CPNE4: variants seen among roughly 807,000 people sequenced by gnomAD.
CPNE4 encodes the protein copine-4.
A neutral mutation model predicts 67.9 loss-of-function variants in CPNE4; 25 were observed. The ratio of observed to expected loss-of-function variants is 0.37; its 90% CI spans 0.27 to 0.51. CPNE4 has a LOEUF of 0.51. Among genes scored for constraint, CPNE4 ranks in the 20% least tolerant of loss-of-function variants. The probability of loss-of-function intolerance (pLI) is 0.93; values close to 1 mark genes in which losing one functional copy is unlikely to be tolerated. For missense variants in CPNE4, 464 were observed against 690.8 expected (o/e 0.67, Z 3.68); for synonymous variants, 242 against 244.9 (o/e 0.99, Z 0.11).
intron 15 of CPNE4, among the ~76,000 whole-genome samples, chr3:131,540,567 C>T (rs978433699): frequency 1.3e-5 from 2 of 152,174 alleles, no homozygotes; most frequent in African/African-American, 4.8e-5. Context: ...TTTTGATGAT[C>T]CATTTAGCTT....
At chr3:131,596,903 TTC>T (rs1311078317) in intron 7 of CPNE4, among the ~76,000 whole-genome samples, 1 of 152,176 alleles carries the variant, frequency 6.6e-6, no homozygotes, top group African/African-American at 2.4e-5. Flanking sequence ...ATCCTCATTG[TTC>T]TGTTTCTTGG....
intron 2 of CPNE4, among the ~76,000 whole-genome samples, chr3:131,862,839 C>T (rs1032420077): frequency 2.6e-5 from 4 of 152,060 alleles, no homozygotes; most frequent in Non-Finnish European, 4.4e-5. Context: ...GGTATATCTC[C>T]TAATGCTATC....
chr3:131,951,687 C>G (rs566626146), intron 1 of CPNE4, among the ~76,000 whole-genome samples: 2 of 152,162 alleles, frequency 1.3e-5, no homozygotes, highest in African/African-American at 2.4e-5. Context: ...CTCAGCCTGC[C>G]GAGTGCCTGC....
intron 1 of CPNE4, among the ~76,000 whole-genome samples, chr3:132,004,113 A>C (rs779953818): frequency 2.0e-5 from 3 of 152,096 alleles, no homozygotes; most frequent in Non-Finnish European, 4.4e-5. Flanking sequence ...GGCTTCAAAA[A>C]GGCAACAAAG....
rs147744480 is a variant in CPNE4, at chr3:131,836,682, A to G, written c.180+68582T>C. Among the ~76,000 whole-genome samples the G allele has an allele frequency of 1.2e-3, 178 of 152,352 alleles. 1 individual carries two copies. The highest frequency in any genetic ancestry group is 4.3e-3 in the African/African-American group (177 of 41,588). ...AGGATTAGGCAAAGAGTTCTTAGAC[A>G]TGAAATCAAAAGCATGAACCATAAC... is the stretch of plus-strand genomic sequence containing the variant. On this transcript the variant is annotated intron_variant, in intron 2 of 15. Coordinates refer to ENST00000429747, the MANE Select transcript of CPNE4 (RefSeq NM_130808.3).
intron 2 of CPNE4, among the ~76,000 whole-genome samples, chr3:131,833,863 C>T (rs150205444): frequency 1.3e-5 from 2 of 152,242 alleles, no homozygotes; most frequent in Non-Finnish European, 2.9e-5. Context: ...CTGTGCGAGC[C>T]ACATATAGTG....
At chr3:131,680,123 T>G (rs565507935) in intron 6 of CPNE4, among the ~76,000 whole-genome samples, 1 of 152,218 alleles carries the variant, frequency 6.6e-6, no homozygotes, top group Non-Finnish European at 1.5e-5. Context: ...GTTGGGTGCA[T>G]ACATATTTAG....
intron 1 of CPNE4, among the ~76,000 whole-genome samples, chr3:131,924,832 T>A (rs1032231816): frequency 6.6e-6 from 1 of 152,166 alleles, no homozygotes; most frequent in African/African-American, 2.4e-5. Flanking sequence ...ACTTGGTGAC[T>A]TATATGTCCC....
intron 2 of CPNE4, among the ~76,000 whole-genome samples, chr3:131,769,315 C>T (rs1355276166): frequency 2.6e-5 from 4 of 152,092 alleles, no homozygotes; most frequent in African/African-American, 9.7e-5. Flanking sequence ...AACTCAAGTG[C>T]CCGGTTCCCT....
chr3:131,964,334 CCT>C (rs2072278369), intron 1 of CPNE4, among the ~76,000 whole-genome samples: 1 of 152,018 alleles, frequency 6.6e-6, no homozygotes, highest in Non-Finnish European at 1.5e-5. Context: ...GATCGCAACT[CCT>C]CTCCAGCAAG....
intron 3 of CPNE4, among the ~76,000 whole-genome samples, chr3:131,704,358 C>G (rs542349273): frequency 6.6e-6 from 1 of 152,282 alleles, no homozygotes; most frequent in East Asian, 1.9e-4. Flanking sequence ...CAACCAGTGA[C>G]TGATGGTCTT....
At chr3:131,603,004 A>C (rs1458648457) in intron 7 of CPNE4, among the ~76,000 whole-genome samples, 1 of 152,148 alleles carries the variant, frequency 6.6e-6, no homozygotes, top group Non-Finnish European at 1.5e-5. Context: ...CTGCTATAAA[A>C]AGTTCTGAAA....
At chr3:131,976,952 C>G (rs1299149053) in intron 1 of CPNE4, among the ~76,000 whole-genome samples, 2 of 152,034 alleles carry the variant, frequency 1.3e-5, no homozygotes, top group Non-Finnish European at 2.9e-5. Context: ...CAGGCACACA[C>G]CACCATGTCC....
At chr3:132,003,994 T>C (rs2073523399) in intron 1 of CPNE4, among the ~76,000 whole-genome samples, 2 of 152,000 alleles carry the variant, frequency 1.3e-5, no homozygotes, top group Admixed American at 1.3e-4. Context: ...CTGACCCTGA[T>C]TAAATTGGAT....
intron 2 of CPNE4, among the ~76,000 whole-genome samples, chr3:131,878,881 C>T (rs927470787): frequency 2.0e-5 from 3 of 152,184 alleles, no homozygotes; most frequent in African/African-American, 7.2e-5. Flanking sequence ...AGGTGCCAGG[C>T]CTTGTTCTAG....
intron 2 of CPNE4, among the ~76,000 whole-genome samples, chr3:131,787,363 C>T (rs920536891): frequency 4.6e-5 from 7 of 152,132 alleles, no homozygotes; most frequent in African/African-American, 1.7e-4. Flanking sequence ...AACTGCAATG[C>T]GGGGTTGATG....
At chr3:131,676,105 G>A (rs1172010272) in intron 6 of CPNE4, among the ~76,000 whole-genome samples, 7 of 149,686 alleles carry the variant, frequency 4.7e-5, no homozygotes, top group Non-Finnish European at 1.0e-4. Flanking sequence ...GTCCAGGCTG[G>A]AATGCAGTGG....
At chr3:132,024,560 G>T (rs996311635) in intron 1 of CPNE4, among the ~76,000 whole-genome samples, 4 of 152,022 alleles carry the variant, frequency 2.6e-5, no homozygotes, top group Non-Finnish European at 5.9e-5. Context: ...GGCCTCTCTG[G>T]TCTTCCATTT....
At chr3:131,853,860 T>C (rs2086332974) in intron 2 of CPNE4, among the ~76,000 whole-genome samples, 1 of 151,880 alleles carries the variant, frequency 6.6e-6, no homozygotes, top group Non-Finnish European at 1.5e-5. Context: ...CCCACTAAAA[T>C]GGCTAAAATG....
Sources: gnomAD v4.1 joint callset for allele counts (sites outside exome capture counted in the v4.1 genomes callset) on GRCh38, gnomAD v4.1.1 for gene constraint, MANE v1.5 for transcripts, NCBI Gene and HGNC (gene_info 2026-07-23, HGNC 2026-07-21) for gene names.